Variants in PTPRD observed in about 807,000 individuals in gnomAD.
The protein encoded by PTPRD is protein tyrosine phosphatase receptor type D.
A neutral mutation model predicts 214.5 loss-of-function variants in PTPRD; 34 were observed. The ratio of observed to expected loss-of-function variants is 0.16; its 90% CI spans 0.12 to 0.21. PTPRD has a LOEUF of 0.21. Ranked by LOEUF, PTPRD falls within the 10% of genes least tolerant of loss-of-function variation. PTPRD has a pLI of 1.00. For synonymous variants in PTPRD, 1,128 were observed against 845.7 expected (o/e 1.33, Z -5.79); for missense variants, 2,545 against 2,398.7 (o/e 1.06, Z -1.27).
intron 3 of PTPRD, among the ~76,000 whole-genome samples, chr9:10,058,772 A>G (rs1007543627): frequency 2.6e-5 from 4 of 152,100 alleles, no homozygotes; most frequent in African/African-American, 7.2e-5. Context: ...CACAGCACCT[A>G]TATTTCCCAG....
At chr9:8,954,822 T>C (rs901505444) in intron 11 of PTPRD, among the ~76,000 whole-genome samples, 6 of 151,864 alleles carry the variant, frequency 4.0e-5, no homozygotes, top group Non-Finnish European at 7.4e-5. Flanking sequence ...AAAGATTGCA[T>C]TGAAGAAAAA....
At chr9:8,327,670 T>G (rs1835342393) in intron 44 of PTPRD, among the ~76,000 whole-genome samples, 1 of 152,196 alleles carries the variant, frequency 6.6e-6, no homozygotes, top group Non-Finnish European at 1.5e-5. Context: ...TGTGGGAGTC[T>G]AAGTCTCTTT....
In PTPRD at chr9:8,600,090, G is replaced by A. The variant is rs796146233; in HGVS notation, c.352+33227C>T. 9.2e-5 allele frequency among the ~76,000 whole-genome samples: 14 copies of A among 152,308 alleles called. 1 individual carries two copies. The highest frequency in any genetic ancestry group is 3.4e-4 in the African/African-American group (14 of 41,574). On this transcript the variant is annotated intron_variant, in intron 14 of 45. Transcript: ENST00000381196. Reference sequence around the variant, plus strand: ...GCCTGGTAGTGTAAGGAATCTATGTGCTTGGGATGGGTGGAGCACAGTGAA... The same window carrying A: ...GCCTGGTAGTGTAAGGAATCTATGTACTTGGGATGGGTGGAGCACAGTGAA...
At position 10,383,281 on chromosome 9, in the gene PTPRD, C is replaced by T. The variant is rs1392164183; in HGVS notation, c.-599-42264G>A. 1.3e-5 allele frequency among the ~76,000 whole-genome samples: 2 copies of T among 151,748 alleles called. 1 individual carries two copies. The highest frequency in any genetic ancestry group is 1.3e-4 in the Admixed American group (2 of 15,172). On this transcript the variant is annotated intron_variant, in intron 2 of 45. Transcript: ENST00000381196. The stretch of plus-strand genomic sequence containing the variant: ...CAAACACTAGTTAAACATCAAGGAC[C>T]ACTATACTCTTTAATAACCAAGCAA...
chr9:9,576,910 A>C (rs981553863), intron 7 of PTPRD, among the ~76,000 whole-genome samples: 5 of 152,164 alleles, frequency 3.3e-5, no homozygotes, highest in African/African-American at 9.7e-5. Context: ...TTCAACATAA[A>C]AATCACATAA....
chr9:8,653,758 C>A (rs1463380948), intron 12 of PTPRD, among the ~76,000 whole-genome samples: 1 of 152,152 alleles, frequency 6.6e-6, no homozygotes, highest in Non-Finnish European at 1.5e-5. Context: ...TAAAATAATG[C>A]CATCAAACAT....
chr9:9,537,163 G>A (rs1021468937), intron 8 of PTPRD, among the ~76,000 whole-genome samples: 1 of 151,946 alleles, frequency 6.6e-6, no homozygotes, highest in Non-Finnish European at 1.5e-5. Context: ...CTATGAGTAA[G>A]AAGGTGGAGG....
At chr9:9,398,147 G>C (rs546516772) in intron 8 of PTPRD, among the ~76,000 whole-genome samples, 4 of 146,094 alleles carry the variant, frequency 2.7e-5, no homozygotes, top group African/African-American at 7.7e-5. Flanking sequence ...TCCATACTTC[G>C]GTTTACTTCA....
intron 3 of PTPRD, among the ~76,000 whole-genome samples, chr9:10,179,355 C>T (rs2099268445): frequency 6.6e-6 from 1 of 151,616 alleles, no homozygotes; most frequent in Non-Finnish European, 1.5e-5. Context: ...GAAGATATTG[C>T]CAACATAGAA....
intron 8 of PTPRD, among the ~76,000 whole-genome samples, chr9:9,496,317 A>G (rs74390897): frequency 0.027 from 4,125 of 152,262 alleles, 211 homozygotes; most frequent in African/African-American, 0.092. Context: ...AAATATATTA[A>G]AGTCAAATAT....
At chr9:10,484,133 A>C (rs2099117592) in intron 2 of PTPRD, among the ~76,000 whole-genome samples, 1 of 152,096 alleles carries the variant, frequency 6.6e-6, no homozygotes, top group Admixed American at 6.6e-5. Context: ...ATGATAAAAT[A>C]ATGTATTTGC....
At chr9:10,079,157 T>C (rs2098188101) in intron 3 of PTPRD, among the ~76,000 whole-genome samples, 1 of 152,030 alleles carries the variant, frequency 6.6e-6, no homozygotes, top group African/African-American at 2.4e-5. Context: ...TGATTTCAAA[T>C]ACCCATTCTG....
At chr9:8,513,844 T>A (rs1232588096) in intron 21 of PTPRD, among the ~76,000 whole-genome samples, 1 of 152,074 alleles carries the variant, frequency 6.6e-6, no homozygotes, top group African/African-American at 2.4e-5. Context: ...CATTGTGCTA[T>A]TTTGGAAGGT....
intron 3 of PTPRD, among the ~76,000 whole-genome samples, chr9:10,310,766 C>G (rs991476176): frequency 3.3e-5 from 5 of 152,050 alleles, no homozygotes; most frequent in Admixed American, 1.3e-4. Flanking sequence ...GTAACACTGT[C>G]TTCTAATAAC....
At chr9:8,375,457 T>C (rs1349928883) in intron 39 of PTPRD, among the ~76,000 whole-genome samples, 1 of 152,054 alleles carries the variant, frequency 6.6e-6, no homozygotes. Flanking sequence ...AGACTTGATA[T>C]TACTAATGTA....
chr9:9,758,545 G>C (rs2098612344), intron 6 of PTPRD, among the ~76,000 whole-genome samples: 2 of 152,150 alleles, frequency 1.3e-5, no homozygotes, highest in Admixed American at 1.3e-4. Context: ...TTCTCAGAAA[G>C]TACATAAAGC....
intron 12 of PTPRD, among the ~76,000 whole-genome samples, chr9:8,639,664 T>A (rs530402497): frequency 1.3e-5 from 2 of 152,218 alleles, no homozygotes; most frequent in East Asian, 3.9e-4. Context: ...TGAAGAAGAG[T>A]TGGCAATTCT....
intron 12 of PTPRD, among the ~76,000 whole-genome samples, chr9:8,697,742 G>A (rs979407931): frequency 6.6e-6 from 1 of 151,952 alleles, no homozygotes; most frequent in Non-Finnish European, 1.5e-5. Context: ...TTTAAAGACA[G>A]GTGTGTATGT....
intron 8 of PTPRD, among the ~76,000 whole-genome samples, chr9:9,508,084 G>C (rs1198635913): frequency 1.3e-5 from 2 of 151,628 alleles, no homozygotes; most frequent in African/African-American, 2.4e-5. Flanking sequence ...AGAAATGTCA[G>C]CAAGTTCATA....
Sources: allele counts gnomAD v4.1 joint callset (sites outside exome capture counted in the v4.1 genomes callset), GRCh38; gene constraint gnomAD v4.1.1; transcripts MANE v1.5; gene names NCBI Gene and HGNC (gene_info 2026-07-23, HGNC 2026-07-21).